ERBIN: variants seen among roughly 807,000 people sequenced by gnomAD.
ERBIN encodes densin-180-like protein.
In ERBIN, 60 loss-of-function variants were observed where a neutral mutation model predicts 158.4. The ratio of observed to expected loss-of-function variants is 0.38; its 90% confidence interval spans 0.31 to 0.47. The LOEUF (loss-of-function observed/expected upper bound fraction) is 0.47. Ranked by LOEUF, ERBIN falls within the 20% of genes least tolerant of loss-of-function variation. ERBIN has a pLI of 0.99. For missense variants in ERBIN, 1,610 were observed against 1,648.0 expected (o/e 0.98, Z 0.40); for synonymous variants, 594 against 557.2 (o/e 1.07, Z -0.93).
At chr5:66,003,798 G>A (rs7728984) in intron 4 of ERBIN, among the ~76,000 whole-genome samples, 6,095 of 152,134 alleles carry the variant, frequency 0.04, 413 homozygotes, top group African/African-American at 0.14. Context: ...CTAGGTGTCA[G>A]AAGGGGTTTT....
At chr5:65,935,848 C>G (rs1261031606) in intron 1 of ERBIN, among the ~76,000 whole-genome samples, 1 of 152,152 alleles carries the variant, frequency 6.6e-6, no homozygotes, top group Admixed American at 6.5e-5. Flanking sequence ...CCTCAGCATC[C>G]TGAGTAGCTG....
intron 4 of ERBIN, among the ~76,000 whole-genome samples, chr5:66,007,125 A>C (rs1665492283): frequency 6.6e-6 from 1 of 152,176 alleles, no homozygotes; most frequent in Admixed American, 6.5e-5. Flanking sequence ...AATAGCAAAG[A>C]CTTGGAACCA....
At position 65,931,698 on chromosome 5, in the gene ERBIN, C is replaced by T. The variant is rs142366512; in HGVS notation, c.-58+4892C>T. On this transcript the variant is annotated intron_variant, in intron 1 of 25. Coordinates refer to ENST00000284037, the MANE Select transcript of ERBIN (RefSeq NM_001253697.2). ...GCTTAATAGAAAACAGCTCGATTCT[C>T]ATATCTGCTTCTTCACTCCATCTGT... 6.6e-3 allele frequency among the ~76,000 whole-genome samples: 1,009 copies of T among 152,214 alleles called. 5 individuals are homozygous for T. Among genetic ancestry groups the T allele is most frequent in the South Asian group, 0.03 (145 of 4,826 alleles).
At chr5:66,044,065 C>A in intron 16 of ERBIN, 72 bp from the exon 17 acceptor site, 1 of 1,130,816 alleles carries the variant, frequency 8.8e-7, no homozygotes, top group Non-Finnish European at 1.2e-6. Context: ...AGATGGGTTA[C>A]AGATTAAATT....
At chr5:66,077,604 AT>A (rs1554070459) in intron 25 of ERBIN, among the ~76,000 whole-genome samples, 3 of 151,974 alleles carry the variant, frequency 2.0e-5, no homozygotes, top group Non-Finnish European at 2.9e-5. Flanking sequence ...ATTAAAAAAA[AT>A]TTTTTTTGAA....
In ERBIN at chr5:66,053,931, T is replaced by C. The variant is rs1345790316; in HGVS notation, c.2613T>C (p.His871=). The change falls in exon 21 of 26, where the codon CAT becomes CAC. Residue 871 remains histidine, a synonymous_variant. Coordinates refer to ENST00000284037, the MANE Select transcript of ERBIN (RefSeq NM_001253697.2). ...CAGTTGGATCTGTTGTGAAATCTCA[T>C]AGCATAACTAATATGGAGATTGGAG... ...SGPVGSVVKS[H]SITNMEIGGL... The C allele has an allele frequency of 6.2e-7, 1 of 1,614,114 alleles. No homozygotes were observed. The highest frequency in any genetic ancestry group is 2.2e-5 in the East Asian group (1 of 44,878).
intron 21 of ERBIN, among the ~76,000 whole-genome samples, chr5:66,069,792 C>T (rs938683229): frequency 6.6e-6 from 1 of 152,102 alleles, no homozygotes; most frequent in African/African-American, 2.4e-5. Context: ...CCCATAGTTT[C>T]CTTGTGAAGT....
chr5:65,996,250 T>C (rs1409721265), intron 4 of ERBIN, among the ~76,000 whole-genome samples: 1 of 148,224 alleles, frequency 6.7e-6, no homozygotes, highest in African/African-American at 2.6e-5. Context: ...AGTAGTTTTT[T>C]TTTTTTTTTT....
intron 21 of ERBIN, among the ~76,000 whole-genome samples, chr5:66,063,313 C>T (rs1217706725): frequency 1.3e-5 from 2 of 152,228 alleles, no homozygotes; most frequent in African/African-American, 2.4e-5. Flanking sequence ...ATGAGCGAGG[C>T]TCCATGGGCG....
intron 15 of ERBIN, among the ~76,000 whole-genome samples, chr5:66,039,879 A>G (rs1341588442): frequency 6.6e-6 from 1 of 151,934 alleles, no homozygotes; most frequent in African/African-American, 2.4e-5. Context: ...CGGATTAGAA[A>G]GCTGAATAGG....
intron 7 of ERBIN, among the ~76,000 whole-genome samples, chr5:66,018,466 A>T (rs867001446): frequency 0.016 from 89 of 5,488 alleles, 12 homozygotes; most frequent in East Asian, 0.038. Context: ...ATATTATATA[A>T]TATATATTAT....
chr5:66,067,095 G>A (rs550925661), intron 21 of ERBIN, among the ~76,000 whole-genome samples: 20 of 151,412 alleles, frequency 1.3e-4, no homozygotes, highest in African/African-American at 4.8e-4. Context: ...TGATTTCTTT[G>A]TTTTTTTTTA....
intron 1 of ERBIN, among the ~76,000 whole-genome samples, chr5:65,942,998 C>G (rs1745256349): frequency 6.6e-6 from 1 of 152,030 alleles, no homozygotes; most frequent in African/African-American, 2.4e-5. Flanking sequence ...ATTCCCAAAC[C>G]CTCCTTCTCC....
At position 66,075,242 on chromosome 5, in the gene ERBIN, C is replaced by G; in HGVS notation, c.3963+12C>G. ...TGGCAAAACAAGAGGTAAGAATAAT[C>G]AAGACTATTTGAAATATGGGACTAA... On this transcript the variant is annotated intron_variant, in intron 23 of 25. Coordinates refer to ENST00000284037, the MANE Select transcript of ERBIN (RefSeq NM_001253697.2). 3.1e-6 allele frequency: 5 copies of G among 1,604,864 alleles called. No homozygotes were observed. Among genetic ancestry groups the G allele is most frequent in the Non-Finnish European group, 4.3e-6 (5 of 1,171,724 alleles).
intron 1 of ERBIN, among the ~76,000 whole-genome samples, chr5:65,953,773 G>A (rs898280631): frequency 6.6e-6 from 1 of 152,120 alleles, no homozygotes; most frequent in African/African-American, 2.4e-5. Context: ...GTTTTTGGTT[G>A]TCAGTCCTTT....
intron 1 of ERBIN, among the ~76,000 whole-genome samples, chr5:65,963,435 A>G (rs374301212): frequency 1.3e-5 from 2 of 152,248 alleles, no homozygotes; most frequent in East Asian, 1.9e-4. Flanking sequence ...GTCTCTACTA[A>G]AAATACAAAA....
intron 7 of ERBIN, among the ~76,000 whole-genome samples, chr5:66,018,532 T>TAATATATATTATATAA (rs1270709473): frequency 1.4e-3 from 7 of 4,886 alleles, no homozygotes; most frequent in Non-Finnish European, 2.9e-3. Context: ...ATATATTATA[T>TAATATATATTATATAA]TATATAATAT....
At chr5:66,026,021 T>C in intron 12 of ERBIN, 44 bp downstream of exon 12, 1 of 1,500,232 alleles carries the variant, frequency 6.7e-7, no homozygotes, top group East Asian at 2.4e-5. Flanking sequence ...TTTTCATTTT[T>C]TTCTGATTAT....
At chr5:66,020,140 T>A (rs1357202268) in intron 7 of ERBIN, among the ~76,000 whole-genome samples, 1 of 152,012 alleles carries the variant, frequency 6.6e-6, no homozygotes, top group Non-Finnish European at 1.5e-5. Flanking sequence ...AGCAGTTTTA[T>A]AAAAATTGGC....
Sources: gnomAD v4.1 joint callset for allele counts (sites outside exome capture counted in the v4.1 genomes callset) on GRCh38, gnomAD v4.1.1 for gene constraint, MANE v1.5 for transcripts, NCBI Gene and HGNC (gene_info 2026-07-23, HGNC 2026-07-21) for gene names.